The following UST variants were observed in gnomAD, a reference collection of about 807,000 sequenced individuals.
UST encodes uronyl 2-sulfotransferase, also known as chondroitin sulfate 2-O-sulfotransferase.
Under a neutral mutation model 45.6 loss-of-function variants are expected in UST, and 21 were observed. The observed-to-expected ratio is 0.46, with a 90% CI of 0.33 to 0.66. The LOEUF is 0.66. Among genes scored for constraint, UST ranks in the 30% least tolerant of loss-of-function variants. The pLI, the probability that UST is intolerant of heterozygous loss-of-function variation, is 0.02. For synonymous variants in UST, 215 were observed against 200.6 expected (o/e 1.07, Z -0.61); for missense variants, 463 against 512.4 (o/e 0.90, Z 0.93).
intron 2 of UST, among the ~76,000 whole-genome samples, chr6:148,895,843 T>C (rs537853099): frequency 6.6e-6 from 1 of 152,376 alleles, no homozygotes; most frequent in African/African-American, 2.4e-5. Context: ...CTTGGGTATG[T>C]CTTTATCAGC....
At chr6:148,954,396 G>A (rs573836486) in intron 4 of UST, among the ~76,000 whole-genome samples, 3 of 152,236 alleles carry the variant, frequency 2.0e-5, no homozygotes, top group Admixed American at 6.5e-5. Context: ...TAATACAATC[G>A]TGTGCCACAT....
intron 3 of UST, among the ~76,000 whole-genome samples, chr6:148,947,125 G>A (rs905335441): frequency 1.6e-4 from 25 of 152,036 alleles, no homozygotes; most frequent in African/African-American, 5.3e-4. Flanking sequence ...GTCAAATCCC[G>A]AACTTTAAAT....
chr6:149,053,551 T>C (rs1776519319), intron 7 of UST, among the ~76,000 whole-genome samples: 1 of 152,240 alleles, frequency 6.6e-6, no homozygotes. Context: ...ACTTATTTAC[T>C]ATATGCTCTA....
intron 2 of UST, among the ~76,000 whole-genome samples, chr6:148,895,903 A>G (rs1779119972): frequency 6.6e-6 from 1 of 152,246 alleles, no homozygotes; most frequent in Non-Finnish European, 1.5e-5. Flanking sequence ...CCTAAGAAAG[A>G]TTACATTTTT....
intron 7 of UST, among the ~76,000 whole-genome samples, chr6:149,039,454 G>A (rs1314780055): frequency 6.6e-6 from 1 of 152,060 alleles, no homozygotes; most frequent in African/African-American, 2.4e-5. Flanking sequence ...TCAAACTCCC[G>A]ACCTTAGGTG....
At chr6:148,974,367 G>A (rs1410243769) in intron 5 of UST, among the ~76,000 whole-genome samples, 2 of 151,950 alleles carry the variant, frequency 1.3e-5, no homozygotes, top group Admixed American at 1.3e-4. Context: ...ATCTAGCCTG[G>A]ACATTGTGAT....
intron 1 of UST, among the ~76,000 whole-genome samples, chr6:148,818,196 T>C (rs547441274): frequency 9.8e-5 from 15 of 152,296 alleles, no homozygotes; most frequent in Admixed American, 2.0e-4. Flanking sequence ...AAACACAAGA[T>C]TGAAGTGAAG....
chr6:148,886,267 A>G (rs1778911172), intron 1 of UST, among the ~76,000 whole-genome samples: 1 of 152,186 alleles, frequency 6.6e-6, no homozygotes, highest in Non-Finnish European at 1.5e-5. Flanking sequence ...TCCTCTGTTA[A>G]AAGGGGACAC....
At chr6:148,954,663 A>G (rs1780446354) in intron 4 of UST, among the ~76,000 whole-genome samples, 2 of 152,214 alleles carry the variant, frequency 1.3e-5, no homozygotes, top group African/African-American at 4.8e-5. Context: ...TTGCACAACC[A>G]CGAAATCACC....
chr6:148,789,990 T>A (rs1312787468), intron 1 of UST, among the ~76,000 whole-genome samples: 1 of 28,288 alleles, frequency 3.5e-5, no homozygotes, highest in Non-Finnish European at 1.1e-4. Context: ...TTCAGGATTC[T>A]TTTTTTTTTT....
At chr6:148,802,141 A>G (rs1366151974) in intron 1 of UST, among the ~76,000 whole-genome samples, 3 of 152,210 alleles carry the variant, frequency 2.0e-5, no homozygotes, top group African/African-American at 7.2e-5. Context: ...CCCATTGCCC[A>G]GCGCTTGTTG....
intron 1 of UST, among the ~76,000 whole-genome samples, chr6:148,791,312 A>C (rs1776842850): frequency 6.6e-6 from 1 of 152,226 alleles, no homozygotes; most frequent in South Asian, 2.1e-4. Context: ...AGCATTGGTC[A>C]CCAAGATAGA....
intron 1 of UST, among the ~76,000 whole-genome samples, chr6:148,785,042 C>T (rs748730566): frequency 6.6e-6 from 1 of 152,092 alleles, no homozygotes; most frequent in African/African-American, 2.4e-5. Context: ...AACCCTGTCT[C>T]GACTGAAATA....
intron 2 of UST, among the ~76,000 whole-genome samples, chr6:148,927,170 GAGAA>G (rs776110450): frequency 6.6e-5 from 10 of 151,970 alleles, no homozygotes; most frequent in South Asian, 4.2e-4. Context: ...AAGAGAGAGT[GAGAA>G]AGAGAGAGAG....
At position 148,910,972 on chromosome 6, in the gene UST, G is replaced by A. The variant is rs1779463278; in HGVS notation, c.291+23943G>A. ...TTGGGGAACAGACCCTTGTCCAGGC[G>A]CTGTCCTCTGTCCAGGATTGTCTCA... is the stretch of plus-strand genomic sequence containing the variant. On this transcript the variant is annotated intron_variant, in intron 2 of 7. Transcript: ENST00000367463. Among the ~76,000 whole-genome samples, 6 of 152,014 alleles carry A rather than the reference G, an allele frequency of 3.9e-5. 1 individual carries two copies. Among genetic ancestry groups the A allele is most frequent in the Admixed American group, 3.3e-4 (5 of 15,274 alleles).
chr6:148,803,250 T>A (rs879769755), intron 1 of UST, among the ~76,000 whole-genome samples: 15 of 152,132 alleles, frequency 9.9e-5, no homozygotes, highest in Non-Finnish European at 2.1e-4. Context: ...CCATTTCTAC[T>A]CTCCTTCTTG....
chr6:148,866,517 A>C (rs1343889363), intron 1 of UST, among the ~76,000 whole-genome samples: 1 of 152,182 alleles, frequency 6.6e-6, no homozygotes, highest in African/African-American at 2.4e-5. Flanking sequence ...ATTGAATGAG[A>C]GCACTACCTA....
chr6:148,781,299 A>G (rs1776640093), intron 1 of UST, among the ~76,000 whole-genome samples: 1 of 152,200 alleles, frequency 6.6e-6, no homozygotes, highest in South Asian at 2.1e-4. Context: ...AAGGAGCCTC[A>G]TTACTGATAC....
At chr6:148,796,235 G>C (rs1252139121) in intron 1 of UST, among the ~76,000 whole-genome samples, 1 of 152,130 alleles carries the variant, frequency 6.6e-6, no homozygotes, top group Non-Finnish European at 1.5e-5. Context: ...TAAGATTTTG[G>C]TCAAACATTT....
Sources: allele counts gnomAD v4.1 joint callset (sites outside exome capture counted in the v4.1 genomes callset), GRCh38; gene constraint gnomAD v4.1.1; transcripts MANE v1.5; gene names NCBI Gene and HGNC (gene_info 2026-07-23, HGNC 2026-07-21).